MYCBP2: variants seen among roughly 807,000 people sequenced by gnomAD.
The protein encoded by MYCBP2 is E3 ubiquitin-protein ligase MYCBP2.
Under a neutral mutation model 525.3 loss-of-function variants are expected in MYCBP2, and 120 were observed. That is an observed-to-expected ratio of 0.23 (90% CI 0.20 to 0.27). The LOEUF (loss-of-function observed/expected upper bound fraction) is 0.27, where lower values mean the gene tolerates loss of function less well. Among genes scored for constraint, MYCBP2 ranks in the 10% least tolerant of loss-of-function variants. The pLI, the probability that MYCBP2 is intolerant of heterozygous loss-of-function variation, is 1.00. For synonymous variants in MYCBP2, 1,894 were observed against 1,955.8 expected (o/e 0.97, Z 0.83); for missense variants, 4,149 against 5,657.1 (o/e 0.73, Z 8.55).
At chr13:77,135,701 T>C (rs1167864273) in intron 52 of MYCBP2, among the ~76,000 whole-genome samples, 1 of 152,210 alleles carries the variant, frequency 6.6e-6, no homozygotes, top group East Asian at 1.9e-4. Flanking sequence ...AATCCTTATG[T>C]CATCTACCTG....
intron 35 of MYCBP2, among the ~76,000 whole-genome samples, chr13:77,177,333 T>G (rs2059803707): frequency 6.8e-6 from 1 of 147,886 alleles, no homozygotes; most frequent in Non-Finnish European, 1.5e-5. Context: ...TTCTTTTCTT[T>G]CTTTTTTTTT....
chr13:77,174,384 A>T lies in MYCBP2; in HGVS notation c.5578T>A (p.Phe1860Ile). The change falls in exon 37 of 83, where the codon TTC (phenylalanine) becomes ATC (isoleucine). Residue 1860 changes from phenylalanine (F) to isoleucine (I), a missense_variant. Phe to Ile is a conservative substitution (Grantham distance 21). Transcript: ENST00000544440. ...TTACTGCTCAAGCTGCACGTGCTGA[A>T]TGTGAATGTCACACCATCAGGGCAC... ...VQCPDGVTFT[F>I]STCSLSSNGT... 1 of 1,614,142 alleles carries T rather than the reference A, an allele frequency of 6.2e-7. No individual in the cohort carries two copies. The highest frequency in any genetic ancestry group is 8.5e-7 in the Non-Finnish European group (1 of 1,180,010).
At chr13:77,260,385 T>C (rs1396195512) in intron 13 of MYCBP2, 43 bp downstream of exon 13, 10 of 1,429,470 alleles carry the variant, frequency 7.0e-6, no homozygotes, top group Middle Eastern at 1.8e-4. Flanking sequence ...ATAACTAGTA[T>C]TGAAACTTCT....
rs774726101 is a variant in MYCBP2, at chr13:77,144,490, T to C, written c.7258A>G (p.Ile2420Val). 12 of 1,613,738 alleles carry C rather than the reference T, an allele frequency of 7.4e-6. No homozygotes were observed. Among genetic ancestry groups the C allele is most frequent in the African/African-American group, 1.3e-5 (1 of 74,866 alleles). The change falls in exon 49 of 83, where the codon ATT becomes GTT. Residue 2420 changes from isoleucine (I) to valine (V), a missense_variant. Coordinates refer to ENST00000544440, the MANE Select transcript of MYCBP2 (RefSeq NM_015057.5). ...TYCANWTPGA[I>V]GLYTLHVTID... is the part of the protein sequence containing the mutation. ...GTAACATGAAGAGTGTAGAGTCCAA[T>C]AGCCCCTGGAGTCCAATTTGCACAA...
chr13:77,302,017 G>A (rs758394432), intron 1 of MYCBP2, among the ~76,000 whole-genome samples: 5 of 151,920 alleles, frequency 3.3e-5, no homozygotes, highest in Non-Finnish European at 7.4e-5. Flanking sequence ...ATTCAATCAC[G>A]GAAACAAAAA....
At chr13:77,300,091 T>C (rs1172052257) in intron 1 of MYCBP2, among the ~76,000 whole-genome samples, 1 of 152,228 alleles carries the variant, frequency 6.6e-6, no homozygotes, top group Non-Finnish European at 1.5e-5. Context: ...TCTGCTTCAT[T>C]TGCAAAATAA....
In MYCBP2 at chr13:77,165,398, A is replaced by C; in HGVS notation, c.6341-7T>G. 6.4e-7 allele frequency: 1 copy of C among 1,570,612 alleles called. No individual in the cohort carries two copies. Among genetic ancestry groups the C allele is most frequent in the South Asian group, 1.2e-5 (1 of 84,598 alleles). On this transcript the variant is annotated splice_polypyrimidine_tract_variant and splice_region_variant and intron_variant, in intron 41 of 82. Coordinates refer to ENST00000544440, the MANE Select transcript of MYCBP2 (RefSeq NM_015057.5). ...GAAAAAAGGGCCTCATTTCCTAATA[A>C]AAATGCCAGAATTGAGTTCAAACTC...
intron 1 of MYCBP2, among the ~76,000 whole-genome samples, chr13:77,316,877 T>C (rs1460049238): frequency 1.3e-5 from 2 of 151,576 alleles, no homozygotes; most frequent in Non-Finnish European, 3.0e-5. Context: ...CATGCTCCAC[T>C]GTGGAACACA....
chr13:77,059,411 A>G (rs760038017), intron 77 of MYCBP2, 112 bp downstream of exon 77: 74 of 789,826 alleles, frequency 9.4e-5, no homozygotes, highest in Non-Finnish European at 1.5e-4. Context: ...CATAGGTAAT[A>G]CACTCATTTA....
intron 10 of MYCBP2, among the ~76,000 whole-genome samples, 165 bp downstream of exon 10, chr13:77,263,486 G>C (rs1336362985): frequency 6.6e-6 from 1 of 151,866 alleles, no homozygotes; most frequent in Non-Finnish European, 1.5e-5. Context: ...GTGTTTCCCA[G>C]TTATTTATTC....
chr13:77,183,169 T>C (rs530581248), intron 32 of MYCBP2, among the ~76,000 whole-genome samples: 3 of 152,358 alleles, frequency 2.0e-5, no homozygotes, highest in East Asian at 1.9e-4. Context: ...AGAGCATCTA[T>C]GTTTCTGAGT....
chr13:77,110,238 AG>A (rs2048575440), intron 55 of MYCBP2: 1 of 154,850 alleles, frequency 6.5e-6, no homozygotes, highest in Non-Finnish European at 1.4e-5. Context: ...TAAGACCCTA[AG>A]AAAAGAATTG....
intron 26 of MYCBP2, among the ~76,000 whole-genome samples, chr13:77,196,461 G>A (rs2061759960): frequency 1.3e-5 from 2 of 152,214 alleles, no homozygotes; most frequent in African/African-American, 4.8e-5. Flanking sequence ...AACACAAGTT[G>A]GGAGGCTACT....
intron 2 of MYCBP2, among the ~76,000 whole-genome samples, chr13:77,294,349 A>C: frequency 6.6e-6 from 1 of 151,666 alleles, no homozygotes; most frequent in African/African-American, 2.4e-5. Flanking sequence ...TATCCCAAAC[A>C]TCCAGCATAA....
Position 77,267,926 on chromosome 13 carries a change from T to C in MYCBP2, c.1272A>G (p.Leu424=), listed in dbSNP as rs769170363. The C allele has an allele frequency of 1.5e-5, 24 of 1,611,264 alleles. No homozygotes were observed. The highest frequency in any genetic ancestry group is 1.9e-5 in the Non-Finnish European group (22 of 1,178,890). The part of the protein sequence containing the change: ...SWLGYAQGYL[L]YRDVNNHSMT... ...TGCTGTGGTTATTCACATCTCTATA[T>C]AATAAATAACCCTGATAACAGCAAA... Residue 424 remains leucine (L), a synonymous_variant, in exon 8 of 83, where the codon TTA becomes TTG. Transcript: ENST00000544440.
intron 78 of MYCBP2, among the ~76,000 whole-genome samples, chr13:77,057,453 G>T (rs1391427665): frequency 6.6e-6 from 1 of 151,968 alleles, no homozygotes; most frequent in Non-Finnish European, 1.5e-5. Context: ...TTATTATCTT[G>T]GAATCATGAG....
At chr13:77,210,995 C>T (rs1210814359) in intron 23 of MYCBP2, among the ~76,000 whole-genome samples, 172 bp downstream of exon 23, 1 of 152,116 alleles carries the variant, frequency 6.6e-6, no homozygotes, top group Non-Finnish European at 1.5e-5. Flanking sequence ...TGCTCTTAAC[C>T]ACTATGCTAC....
At position 77,070,773 on chromosome 13, in the gene MYCBP2, A is replaced by G. The variant is rs892041228; in HGVS notation, c.11824-62T>C. ...AGTGGTCTCTTTAAATAAAATTTGTATATGTGATATTTCAAAGTAACTTGA... is the reference window on the plus strand; with the variant it reads ...AGTGGTCTCTTTAAATAAAATTTGTGTATGTGATATTTCAAAGTAACTTGA... On this transcript the variant is annotated intron_variant, in intron 68 of 82. Transcript: ENST00000544440. 4 of 1,025,812 alleles carry G rather than the reference A, an allele frequency of 3.9e-6. No homozygotes were observed. The African/African-American group carries it at 6.5e-5, about 17-fold the overall frequency. The allele number at this position is 1,025,812 out of a possible 1,614,324, so 63.5% of individuals were successfully genotyped here.
In MYCBP2 at chr13:77,056,212, G is replaced by A. The variant is rs191985487; in HGVS notation, c.13438-445C>T. Reference sequence around the variant, plus strand: ...GCCAGGTGACAGAAGTGAACAGGTAGTATTTGCTGTAAAACTTTCATGTAT... The same window carrying A: ...GCCAGGTGACAGAAGTGAACAGGTAATATTTGCTGTAAAACTTTCATGTAT... On this transcript the variant is annotated intron_variant, in intron 79 of 82. Transcript: ENST00000544440. Among the ~76,000 whole-genome samples, 254 of 150,008 alleles carry A rather than the reference G, an allele frequency of 1.7e-3. 4 individuals carry two copies. The highest frequency in any genetic ancestry group is 5.5e-3 in the African/African-American group (225 of 40,898).
Sources: allele counts gnomAD v4.1 joint callset (sites outside exome capture counted in the v4.1 genomes callset), GRCh38; gene constraint gnomAD v4.1.1; transcripts MANE v1.5; gene names NCBI Gene and HGNC (gene_info 2026-07-23, HGNC 2026-07-21).